Variants in GOLGA8B observed in about 807,000 individuals in gnomAD.
GOLGA8B encodes golgin A8 family member B.
GOLGA8B carries 1 observed loss-of-function variant against 15.6 expected under a neutral mutation model. That is an observed-to-expected ratio of 0.06 (90% CI 0.02 to 0.30). The LOEUF (loss-of-function observed/expected upper bound fraction) is 0.30. Ranked by LOEUF, GOLGA8B falls within the 10% of genes least tolerant of loss-of-function variation. The pLI, the probability that GOLGA8B is intolerant of heterozygous loss-of-function variation, is 1.00. For missense variants in GOLGA8B, 17 were observed against 201.3 expected, an observed-to-expected ratio of 0.08 and a Z score of 5.54; for synonymous variants, 9 against 80.3, an observed-to-expected ratio of 0.11 and a Z score of 4.75.
chr15:34,557,671 T>C (rs1318373580), intron 1 of GOLGA8B, among the ~76,000 whole-genome samples: 1 of 108,260 alleles, frequency 9.2e-6, no homozygotes, highest in East Asian at 2.3e-4. Flanking sequence ...TGTGTGTGTG[T>C]GTGTGTGTGT....
intron 1 of GOLGA8B, among the ~76,000 whole-genome samples, chr15:34,576,174 A>T (rs1012817276): frequency 1.1e-3 from 166 of 152,300 alleles, no homozygotes; most frequent in African/African-American, 4.0e-3. Context: ...CAGGGTTGCC[A>T]AAGTGAGGGG....
intron 1 of GOLGA8B, among the ~76,000 whole-genome samples, chr15:34,576,888 C>T (rs1373832586): frequency 6.6e-5 from 10 of 152,166 alleles, no homozygotes; most frequent in Non-Finnish European, 1.5e-4. Flanking sequence ...ACATCCTAAC[C>T]CTGGTGACTG....
At chr15:34,571,906 C>T (rs75479098) in intron 1 of GOLGA8B, among the ~76,000 whole-genome samples, 12,648 of 138,682 alleles carry the variant, frequency 0.091, 608 homozygotes, top group Admixed American at 0.2. Context: ...AGAAAATATC[C>T]GCAATATATA....
intron 1 of GOLGA8B, among the ~76,000 whole-genome samples, chr15:34,559,863 A>G (rs1272818864): frequency 1.4e-5 from 2 of 146,442 alleles, no homozygotes; most frequent in Admixed American, 6.9e-5. Flanking sequence ...GGGCCAAATC[A>G]AAACTATTTT....
chr15:34,575,649 G>A (rs3893822), intron 1 of GOLGA8B, among the ~76,000 whole-genome samples: 1 of 150,462 alleles, frequency 6.6e-6, no homozygotes, highest in East Asian at 2.0e-4. Flanking sequence ...CCCTTCTGCC[G>A]AGAGGGCTCT....
rs1223166121 is a variant in GOLGA8B at position 34,570,050 on chromosome 15, T to C, written c.-1123+13466A>G. Among the ~76,000 whole-genome samples the C allele has an allele frequency of 4.6e-5, 7 of 152,330 alleles. No individual in the cohort carries two copies. In the East Asian group the frequency reaches 1.3e-3, roughly 29 times the overall value. On this transcript the variant is annotated intron_variant, in intron 1 of 23. Transcript: ENST00000683415. ...CACACATGCTGGCCCCACCACCTGC[T>C]TTGAGAACCAGAGCTGTACCCTACC...
At chr15:34,577,507 TAC>T (rs71119972) in intron 1 of GOLGA8B, among the ~76,000 whole-genome samples, 25,384 of 124,428 alleles carry the variant, frequency 0.2, 2,284 homozygotes, top group Admixed American at 0.25. Flanking sequence ...TTATATATCA[TAC>T]ACACACACAC....
At chr15:34,566,129 C>T (rs1257254695) in intron 1 of GOLGA8B, 1 of 135,962 alleles carries the variant, frequency 7.4e-6, no homozygotes, top group Non-Finnish European at 1.7e-5. Flanking sequence ...ACATGTGGCA[C>T]CTGGAGTCGT....
chr15:34,576,874 T>C (rs377059245), intron 1 of GOLGA8B, among the ~76,000 whole-genome samples: 1 of 152,156 alleles, frequency 6.6e-6, no homozygotes, highest in Non-Finnish European at 1.5e-5. Context: ...GGTAAAACAC[T>C]CACACATCCT....
chr15:34,573,200 C>T (rs1888968481), intron 1 of GOLGA8B, among the ~76,000 whole-genome samples: 1 of 152,158 alleles, frequency 6.6e-6, no homozygotes, highest in Non-Finnish European at 1.5e-5. Context: ...TTAAAGACTT[C>T]TCAGTATTGG....
rs1889308160 is a variant in GOLGA8B at position 34,583,501 on chromosome 15, G to A, written c.-1123+15C>T. On this transcript the variant is annotated intron_variant, in intron 1 of 23. Coordinates refer to ENST00000683415, the MANE Select transcript of GOLGA8B (RefSeq NM_001023567.5). ...CGCCGCCAGGGAGTCAGGCAGCCAAGGTTCCCCAGCTTACCTGGCCAGGGC... is the reference window on the plus strand; with the variant it reads ...CGCCGCCAGGGAGTCAGGCAGCCAAAGTTCCCCAGCTTACCTGGCCAGGGC... The A allele has an allele frequency of 6.6e-6, 1 of 151,794 alleles. No individual in the cohort carries two copies. The highest frequency in any genetic ancestry group is 1.5e-5 in the Non-Finnish European group (1 of 67,938). The allele number at this position is 151,794 out of a possible 1,614,324, so 9.4% of individuals were successfully genotyped here.
intron 7 of GOLGA8B, among the ~76,000 whole-genome samples, chr15:34,542,539 AC>A (rs1266059683): frequency 3.3e-5 from 5 of 149,612 alleles, no homozygotes; most frequent in African/African-American, 1.2e-4. Context: ...ACAATGGCAG[AC>A]TCGTCAATTT....
At chr15:34,579,395 G>A (rs1473429864) in intron 1 of GOLGA8B, among the ~76,000 whole-genome samples, 1 of 152,228 alleles carries the variant, frequency 6.6e-6, no homozygotes, top group South Asian at 2.1e-4. Flanking sequence ...AGTGGGAAGG[G>A]AATCTGGGCG....
intron 1 of GOLGA8B, among the ~76,000 whole-genome samples, chr15:34,582,232 C>T (rs1384334318): frequency 6.6e-6 from 1 of 152,214 alleles, no homozygotes; most frequent in Non-Finnish European, 1.5e-5. Flanking sequence ...CCTCACCTCA[C>T]TGGAGGGACC....
chr15:34,532,339 G>A (rs1444057834), intron 11 of GOLGA8B, among the ~76,000 whole-genome samples: 1 of 60,210 alleles, frequency 1.7e-5, no homozygotes, highest in African/African-American at 3.1e-5. Context: ...GTACGGGCCA[G>A]GGACGGTTCT....
intron 1 of GOLGA8B, among the ~76,000 whole-genome samples, chr15:34,565,672 TTTCTTTC>T (rs753991924): frequency 0.29 from 686 of 2,378 alleles, 53 homozygotes; most frequent in South Asian, 0.42. Flanking sequence ...TCTTTCTTTC[TTTCTTTC>T]TTTTTTTTCT....
chr15:34,577,719 A>G (rs1170545418), intron 1 of GOLGA8B, among the ~76,000 whole-genome samples: 3 of 152,214 alleles, frequency 2.0e-5, no homozygotes, highest in African/African-American at 7.2e-5. Context: ...CCTAGGCAGC[A>G]TGTTACTGTG....
intron 1 of GOLGA8B, among the ~76,000 whole-genome samples, chr15:34,559,293 A>G (rs1229049407): frequency 2.7e-5 from 4 of 147,616 alleles, no homozygotes; most frequent in African/African-American, 1.0e-4. Context: ...ATGGGTGCAG[A>G]GGTTCTGTTG....
intron 1 of GOLGA8B, among the ~76,000 whole-genome samples, chr15:34,581,986 C>G (rs1889249105): frequency 6.6e-6 from 1 of 152,184 alleles, no homozygotes; most frequent in African/African-American, 2.4e-5. Flanking sequence ...TGCTCACGCC[C>G]TGGACACTGC....
Sources: allele counts gnomAD v4.1 joint callset (sites outside exome capture counted in the v4.1 genomes callset), GRCh38; gene constraint gnomAD v4.1.1; transcripts MANE v1.5; gene names NCBI Gene and HGNC (gene_info 2026-07-23, HGNC 2026-07-21).